The following IL15 variants were observed in gnomAD, a reference collection of about 807,000 sequenced individuals.
The protein encoded by IL15 is interleukin-15.
IL15 carries 11 observed loss-of-function variants against 19.6 expected under a neutral mutation model. The ratio of observed to expected loss-of-function variants is 0.56; its 90% CI spans 0.35 to 0.93. IL15 has a LOEUF of 0.93. IL15 is among the 40% of genes least tolerant of loss of function. IL15 has a pLI of 0.01. For missense variants in IL15, 197 were observed against 186.5 expected, an observed-to-expected ratio of 1.06 and a Z score of -0.33; for synonymous variants, 58 against 59.6, an observed-to-expected ratio of 0.97 and a Z score of 0.12.
intron 2 of IL15, among the ~76,000 whole-genome samples, chr4:141,695,568 A>G (rs1729064701): frequency 6.6e-6 from 1 of 151,856 alleles, no homozygotes; most frequent in South Asian, 2.1e-4. Flanking sequence ...TGATATATTT[A>G]TTTCATTTTC....
chr4:141,719,362 C>T lies in IL15; in HGVS notation c.-99-4C>T. On this transcript the variant is annotated splice_region_variant and splice_polypyrimidine_tract_variant and intron_variant, in intron 2 of 7. Coordinates refer to ENST00000320650, the MANE Select transcript of IL15 (RefSeq NM_000585.5). The stretch of plus-strand genomic sequence containing the variant: ...TGTTTTTAATGGATCATACTTTACC[C>T]TAGATTGTATTGTAGGAGGCATTGT... 1.5e-6 allele frequency: 1 copy of T among 664,972 alleles called. No individual in the cohort carries two copies. The highest frequency in any genetic ancestry group is 1.9e-5 in the South Asian group (1 of 52,934). The allele number at this position is 664,972 out of a possible 1,614,324, so 41.2% of individuals were successfully genotyped here.
chr4:141,668,028 T>A (rs1444988100), intron 2 of IL15, among the ~76,000 whole-genome samples: 1 of 152,216 alleles, frequency 6.6e-6, no homozygotes. Flanking sequence ...GTTAGTAAAG[T>A]TCCCTTTACA....
chr4:141,681,632 C>A (rs1174881588), intron 2 of IL15, among the ~76,000 whole-genome samples: 2 of 152,118 alleles, frequency 1.3e-5, no homozygotes, highest in Non-Finnish European at 2.9e-5. Flanking sequence ...AGTGAAATAA[C>A]AGGATTGTTA....
intron 2 of IL15, among the ~76,000 whole-genome samples, chr4:141,699,507 C>T (rs1487748344): frequency 6.6e-6 from 1 of 152,128 alleles, no homozygotes; most frequent in East Asian, 1.9e-4. Context: ...AATTTGGGAG[C>T]TCCATTGTTA....
At chr4:141,689,827 A>G (rs1728846572) in intron 2 of IL15, among the ~76,000 whole-genome samples, 1 of 152,202 alleles carries the variant, frequency 6.6e-6, no homozygotes, top group Non-Finnish European at 1.5e-5. Flanking sequence ...CTGCAGGTGG[A>G]GCTGCCTGCC....
chr4:141,732,990 G>A lies in IL15; in HGVS notation c.*142G>A, dbSNP rs865856174. On this transcript the variant is annotated 3_prime_UTR_variant, in exon 8 of 8. Coordinates refer to ENST00000320650, the MANE Select transcript of IL15 (RefSeq NM_000585.5). ...AAGATGATCAGACCTTGGATCAGAT[G>A]AACTCTTAGAAATGAAGGCAGAAAA... 6 of 1,311,338 alleles carry A rather than the reference G, an allele frequency of 4.6e-6. No individual in the cohort carries two copies. The highest frequency in any genetic ancestry group is 4.5e-4 in the Middle Eastern group (2 of 4,454). 81.2% of individuals were successfully genotyped at this position (1,311,338 alleles called of 1,614,324 possible).
intron 5 of IL15, among the ~76,000 whole-genome samples, chr4:141,723,063 A>G (rs919276691): frequency 1.3e-5 from 2 of 152,162 alleles, no homozygotes; most frequent in African/African-American, 4.8e-5. Context: ...GAATACACCA[A>G]GTAAAAGAGA....
chr4:141,723,139 T>C (rs779551324), intron 5 of IL15, among the ~76,000 whole-genome samples: 5 of 152,172 alleles, frequency 3.3e-5, no homozygotes, highest in South Asian at 2.1e-4. Context: ...TCACTTCTAG[T>C]ACAATGACAT....
intron 2 of IL15, among the ~76,000 whole-genome samples, chr4:141,667,232 A>G (rs146100954): frequency 6.6e-6 from 1 of 152,344 alleles, no homozygotes; most frequent in East Asian, 1.9e-4. Context: ...TATGTGAGCC[A>G]GCCTAACAAA....
chr4:141,677,966 C>G (rs1027842694), intron 2 of IL15, among the ~76,000 whole-genome samples: 22 of 152,134 alleles, frequency 1.4e-4, no homozygotes, highest in Non-Finnish European at 2.6e-4. Context: ...AGAGGTCAAG[C>G]CTGGGTTTGG....
intron 2 of IL15, among the ~76,000 whole-genome samples, chr4:141,696,525 T>A (rs1729101044): frequency 6.6e-6 from 1 of 152,092 alleles, no homozygotes; most frequent in Non-Finnish European, 1.5e-5. Flanking sequence ...GATAGTATGG[T>A]CATTTTAACA....
chr4:141,643,607 C>A (rs930869192), intron 1 of IL15, among the ~76,000 whole-genome samples: 1 of 152,094 alleles, frequency 6.6e-6, no homozygotes, highest in Admixed American at 6.6e-5. Context: ...ACCATACCAG[C>A]AACAATTTCA....
chr4:141,673,952 T>C (rs1728259373), intron 2 of IL15, among the ~76,000 whole-genome samples: 1 of 152,196 alleles, frequency 6.6e-6, no homozygotes, highest in Admixed American at 6.5e-5. Flanking sequence ...GTAAGCAAAT[T>C]GAACATTCAC....
At chr4:141,722,323 T>G (rs1730116896) in intron 5 of IL15, among the ~76,000 whole-genome samples, 1 of 152,126 alleles carries the variant, frequency 6.6e-6, no homozygotes, top group South Asian at 2.1e-4. Context: ...AGGGAACAGC[T>G]GTTGTTGCTT....
intron 2 of IL15, chr4:141,718,464 A>C (rs975100158): frequency 1.3e-5 from 2 of 152,192 alleles, no homozygotes; most frequent in Non-Finnish European, 2.9e-5. Context: ...TAAATAAACC[A>C]ATCAATGAGT....
chr4:141,702,377 T>A (rs1729349843), intron 2 of IL15, among the ~76,000 whole-genome samples: 1 of 152,224 alleles, frequency 6.6e-6, no homozygotes, highest in Admixed American at 6.5e-5. Context: ...TGATGGAGAA[T>A]GTCTGCAAAG....
At chr4:141,719,506 A>T in intron 3 of IL15, 30 bp downstream of exon 3, 1 of 1,300,150 alleles carries the variant, frequency 7.7e-7, no homozygotes, top group Non-Finnish European at 1.1e-6. Flanking sequence ...AAAATATCCT[A>T]TGGAATTTCC....
chr4:141,639,551 T>C (rs1376290304), intron 1 of IL15, among the ~76,000 whole-genome samples: 1 of 152,198 alleles, frequency 6.6e-6, no homozygotes, highest in Non-Finnish European at 1.5e-5. Flanking sequence ...GATATCTGTC[T>C]CTGCCTATCT....
intron 5 of IL15, among the ~76,000 whole-genome samples, chr4:141,725,297 C>A (rs1730221064): frequency 6.6e-6 from 1 of 152,102 alleles, no homozygotes; most frequent in Non-Finnish European, 1.5e-5. Flanking sequence ...GCCAGTATAT[C>A]AAAATGTGAC....
Sources: gnomAD v4.1 joint callset for allele counts (sites outside exome capture counted in the v4.1 genomes callset) on GRCh38, gnomAD v4.1.1 for gene constraint, MANE v1.5 for transcripts, NCBI Gene and HGNC (gene_info 2026-07-23, HGNC 2026-07-21) for gene names.